The following CEP128 variants were observed in gnomAD, a reference collection of about 807,000 sequenced individuals.
CEP128 encodes the protein centrosomal protein 128.
In CEP128, 132 loss-of-function variants were observed where a neutral mutation model predicts 156.7. That is an observed-to-expected ratio of 0.84 (90% confidence interval 0.73 to 0.97). CEP128 has a LOEUF of 0.97. Among genes scored for constraint, CEP128 ranks in the 50% least tolerant of loss-of-function variants. The pLI, the probability that CEP128 is intolerant of heterozygous loss-of-function variation, is 0.00. For synonymous variants in CEP128, 469 were observed against 448.9 expected (o/e 1.04, Z -0.57); for missense variants, 1,252 against 1,281.9 (o/e 0.98, Z 0.36).
chr14:80,858,720 T>A (rs1173581943), intron 9 of CEP128, among the ~76,000 whole-genome samples: 2 of 151,114 alleles, frequency 1.3e-5, no homozygotes, highest in African/African-American at 2.5e-5. Context: ...AACAACCCCA[T>A]CAAAAAGTGG....
chr14:80,554,795 T>C (rs1380140499), intron 21 of CEP128, among the ~76,000 whole-genome samples: 1 of 152,126 alleles, frequency 6.6e-6, no homozygotes, highest in Non-Finnish European at 1.5e-5. Flanking sequence ...TTTTTTTCTA[T>C]TTCATTAATT....
intron 16 of CEP128, among the ~76,000 whole-genome samples, chr14:80,765,714 C>T (rs1189228094): frequency 6.6e-6 from 1 of 152,076 alleles, no homozygotes; most frequent in Non-Finnish European, 1.5e-5. Context: ...GAAAGATATC[C>T]TAGATAATGG....
intron 19 of CEP128, among the ~76,000 whole-genome samples, chr14:80,687,035 G>C (rs1241908848): frequency 6.6e-6 from 1 of 152,086 alleles, no homozygotes; most frequent in Admixed American, 6.6e-5. Flanking sequence ...AGATCATCAA[G>C]ATAGAATTAA....
intron 19 of CEP128, among the ~76,000 whole-genome samples, chr14:80,709,125 A>G (rs1005059060): frequency 1.3e-5 from 2 of 151,084 alleles, no homozygotes; most frequent in Non-Finnish European, 2.9e-5. Context: ...TTATATTATT[A>G]CTATTATTTT....
At chr14:80,814,111 A>T (rs1309634390) in intron 13 of CEP128, among the ~76,000 whole-genome samples, 1 of 152,156 alleles carries the variant, frequency 6.6e-6, no homozygotes, top group South Asian at 2.1e-4. Flanking sequence ...TGCACATTCA[A>T]GATGGTTTTA....
chr14:80,756,338 T>C (rs1430567898), intron 18 of CEP128, among the ~76,000 whole-genome samples: 1 of 152,190 alleles, frequency 6.6e-6, no homozygotes, highest in Non-Finnish European at 1.5e-5. Flanking sequence ...GCTTCTCTAA[T>C]GCATAGTTGG....
chr14:80,944,688 G>A (rs564877843), upstream of CEP128, among the ~76,000 whole-genome samples: 8 of 151,662 alleles, frequency 5.3e-5, no homozygotes, highest in African/African-American at 1.2e-4. Flanking sequence ...CAGGTGTGGC[G>A]GCGGGTGCCT....
chr14:80,605,759 C>T (rs911917456), intron 19 of CEP128, among the ~76,000 whole-genome samples: 4 of 151,980 alleles, frequency 2.6e-5, no homozygotes, highest in African/African-American at 9.7e-5. Flanking sequence ...ATCAGACAGA[C>T]CTTCCAAAGG....
At chr14:80,933,438 A>ATCTCCT (rs1167131959) in intron 2 of CEP128, among the ~76,000 whole-genome samples, 4 of 152,306 alleles carry the variant, frequency 2.6e-5, no homozygotes, top group African/African-American at 9.6e-5. Flanking sequence ...GTCCTTTTAC[A>ATCTCCT]GATAATCCCC....
intron 13 of CEP128, among the ~76,000 whole-genome samples, chr14:80,820,700 A>AT (rs1256588709): frequency 6.6e-6 from 1 of 152,222 alleles, no homozygotes; most frequent in Non-Finnish European, 1.5e-5. Flanking sequence ...GAAACCTTCA[A>AT]ATATATTTTT....
intron 18 of CEP128, among the ~76,000 whole-genome samples, chr14:80,749,603 T>G (rs948038325): frequency 7.9e-5 from 12 of 152,076 alleles, no homozygotes; most frequent in Non-Finnish European, 1.6e-4. Flanking sequence ...AGATAGAAAG[T>G]AGAATGATGG....
At chr14:80,938,548 C>T (rs1885964110) in intron 2 of CEP128, among the ~76,000 whole-genome samples, 1 of 152,054 alleles carries the variant, frequency 6.6e-6, no homozygotes, top group Non-Finnish European at 1.5e-5. Flanking sequence ...CGCCCGGCCA[C>T]ACAGTATTAG....
At chr14:80,755,278 T>G (rs1899597018) in intron 18 of CEP128, among the ~76,000 whole-genome samples, 1 of 152,232 alleles carries the variant, frequency 6.6e-6, no homozygotes, top group Non-Finnish European at 1.5e-5. Flanking sequence ...GATGGCCTAT[T>G]GTGGAACCTT....
intron 19 of CEP128, among the ~76,000 whole-genome samples, chr14:80,679,350 G>A (rs934572431): frequency 1.6e-4 from 25 of 152,122 alleles, no homozygotes; most frequent in Admixed American, 5.2e-4. Flanking sequence ...GGAAGATATC[G>A]CTAAATTCTT....
At position 80,810,390 on chromosome 14, in the gene CEP128, G is replaced by GA. The variant is rs1406508634; in HGVS notation, c.1210-17281dup. The stretch of plus-strand genomic sequence containing the variant: ...CAGAAAACAATGAACAATTCGACAA[G>GA]AAAAAAAACTCACATATCAATAATA... On this transcript the variant is annotated intron_variant, in intron 13 of 24. Transcript: ENST00000555265. Among the ~76,000 whole-genome samples, 804 of 109,122 alleles carry GA rather than the reference G, an allele frequency of 7.4e-3. 7 individuals are homozygous for GA. Among genetic ancestry groups the GA allele is most frequent in the African/African-American group, 0.026 (746 of 29,074 alleles). The allele number at this position is 109,122 out of a possible 152,430, so 71.6% of individuals were successfully genotyped here.
chr14:80,647,155 C>T lies in CEP128; in HGVS notation c.2807-66732G>A, dbSNP rs1342889554. Among the ~76,000 whole-genome samples the T allele has an allele frequency of 4.8e-5, 7 of 144,548 alleles. No individual in the cohort carries two copies. In the Admixed American group the frequency reaches 4.9e-4, roughly 10 times the overall value. 94.8% of individuals were successfully genotyped at this position (144,548 alleles called of 152,430 possible). On this transcript the variant is annotated intron_variant, in intron 19 of 24. Transcript: ENST00000555265. ...CACACACACACACACACACTGCATT[C>T]TAGAAACACTGTATGGAATGCTTAA...
Position 80,636,230 on chromosome 14 carries a change from C to T in CEP128, c.2807-55807G>A, listed in dbSNP as rs74856906. On this transcript the variant is annotated intron_variant, in intron 19 of 24. Transcript: ENST00000555265. ...TCAGTGACTATTTGCTAAATAGTTG[C>T]ATGGAATGTTAGAAACCTAATGACT... Among the ~76,000 whole-genome samples the T allele has an allele frequency of 1.5e-3, 230 of 152,260 alleles. 1 individual carries two copies. The highest frequency in any genetic ancestry group is 4.6e-3 in the East Asian group (24 of 5,178).
intron 8 of CEP128, chr14:80,894,683 TAC>T (rs1271748536): frequency 5.1e-6 from 2 of 393,174 alleles, no homozygotes. Flanking sequence ...AAAAACTTAA[TAC>T]CAAAAACACA....
chr14:80,578,781 C>T (rs1045961065), intron 20 of CEP128, among the ~76,000 whole-genome samples: 12 of 152,142 alleles, frequency 7.9e-5, no homozygotes, highest in African/African-American at 2.9e-4. Context: ...TAAAGGCTTT[C>T]TGTGATATGC....
Sources: allele counts gnomAD v4.1 joint callset (sites outside exome capture counted in the v4.1 genomes callset), GRCh38; gene constraint gnomAD v4.1.1; transcripts MANE v1.5; gene names NCBI Gene and HGNC (gene_info 2026-07-23, HGNC 2026-07-21).